Variants in TMOD4 observed in about 807,000 individuals in gnomAD.
TMOD4 encodes the protein tropomodulin 4.
Under a neutral mutation model 45.4 loss-of-function variants are expected in TMOD4, and 34 were observed. The observed-to-expected ratio is 0.75, with a 90% CI of 0.57 to 1.00. TMOD4 has a LOEUF of 1.00. Among genes scored for constraint, TMOD4 ranks in the 50% least tolerant of loss-of-function variants. TMOD4 has a pLI of 0.00. For missense variants in TMOD4, 399 were observed against 437.5 expected (o/e 0.91, Z 0.78); for synonymous variants, 131 against 153.9 (o/e 0.85, Z 1.10).
chr1:151,171,170 C>G, intron 7 of TMOD4, 107 bp from the exon 8 acceptor site: 1 of 1,300,494 alleles, frequency 7.7e-7, no homozygotes, highest in Non-Finnish European at 1.1e-6. Context: ...AAGAGTCTTT[C>G]AGGTGCTGTA....
Position 151,171,617 on chromosome 1 carries a change from G to A in TMOD4, c.618+16C>T. 6.2e-7 allele frequency: 1 copy of A among 1,614,082 alleles called. No individual in the cohort carries two copies. The highest frequency in any genetic ancestry group is 2.2e-5 in the East Asian group (1 of 44,884). On this transcript the variant is annotated intron_variant, in intron 6 of 9. Transcript: ENST00000295314. ...GGTTATCCGGTGTTATGGTTTGGAG[G>A]ATGCAAGTCAAATACCTGTATATTA...
chr1:151,174,643 C>A, intron 2 of TMOD4, 96 bp from the exon 3 acceptor site: 1 of 1,593,392 alleles, frequency 6.3e-7, no homozygotes, highest in South Asian at 1.1e-5. Context: ...TTCCCCTGGC[C>A]TTCTTAGGAC....
chr1:151,174,486 G>T lies in TMOD4; in HGVS notation c.185C>A (p.Pro62Gln). Residue 62 changes from proline (P) to glutamine (Q), a missense_variant, in exon 3 of 10, where the codon CCA (proline) becomes CAA (glutamine). Transcript: ENST00000295314. ...RDQTKKSPTG[P>Q]LDREALLQYL... ...CTGCAAAAGGGCCTCTCGGTCCAGT[G>T]GCCCCGTTGGGCTCTTCTTTGTCTG... 1 of 1,614,156 alleles carries T rather than the reference G, an allele frequency of 6.2e-7. No individual in the cohort carries two copies. The highest frequency in any genetic ancestry group is 1.6e-4 in the Middle Eastern group (1 of 6,062).
In TMOD4 at chr1:151,173,607, A is replaced by G. The variant is rs986452448; in HGVS notation, c.289T>C (p.Tyr97His). 3 of 1,613,702 alleles carry G rather than the reference A, an allele frequency of 1.9e-6. No individual in the cohort carries two copies. Among genetic ancestry groups the G allele is most frequent in the Non-Finnish European group, 2.5e-6 (3 of 1,179,746 alleles). ...GGGATTTCCCTCTTGGGCTGAATAT[A>G]GGGTTTCCCTGATGGGGAGATGAAG... is the stretch of plus-strand genomic sequence containing the variant. The part of the protein sequence containing the change: ...PFTGEKKGKP[Y>H]IQPKREIPAE... The change falls in exon 4 of 10, where the codon TAT becomes CAT. Residue 97 changes from tyrosine to histidine, a missense_variant. Transcript: ENST00000295314.
chr1:151,175,106 C>A, intron 1 of TMOD4, 189 bp from the exon 2 acceptor site: 1 of 486,390 alleles, frequency 2.1e-6, no homozygotes, highest in Non-Finnish European at 3.7e-6. Flanking sequence ...TTCTGCTTCC[C>A]CAGCTTCCAG....
At position 151,170,942 on chromosome 1, in the gene TMOD4, G is replaced by C; in HGVS notation, c.848C>G (p.Thr283Ser). 6.2e-7 allele frequency: 1 copy of C among 1,614,216 alleles called. No individual in the cohort carries two copies. The highest frequency in any genetic ancestry group is 8.5e-7 in the Non-Finnish European group (1 of 1,180,046). The change falls in exon 8 of 10, where the codon ACT becomes AGT. Residue 283 changes from threonine (T) to serine (S), a missense_variant. Coordinates refer to ENST00000295314, the MANE Select transcript of TMOD4 (RefSeq NM_013353.3). ...GACCTGATTGTCTACACGGAGCTCA[G>C]TGAGTGTGGCATTTTCCCGAACTGC... The part of the protein sequence containing the change: ...LKAVRENATL[T>S]ELRVDNQRQW...
chr1:151,170,614 T>C lies in TMOD4; in HGVS notation c.920A>G (p.Glu307Gly), dbSNP rs201400257. The change falls in exon 9 of 10, where the codon GAG becomes GGG. Residue 307 changes from glutamate (E) to glycine (G), a missense_variant. Coordinates refer to ENST00000295314, the MANE Select transcript of TMOD4 (RefSeq NM_013353.3). ...AAAGCGGACAATAGAGGGACACTGC[T>C]CTAGCACGGTGGCCATCTCCATCTC... ...AVEMEMATVL[E>G]QCPSIVRFGY... 3 of 1,614,174 alleles carry C rather than the reference T, an allele frequency of 1.9e-6. No individual in the cohort carries two copies. Among genetic ancestry groups the C allele is most frequent in the East Asian group, 2.2e-5 (1 of 44,878 alleles).
At position 151,171,652 on chromosome 1, in the gene TMOD4, ACCT is replaced by A; in HGVS notation, c.596_598del (p.Glu199del). 3 of 1,613,278 alleles carry A rather than the reference ACCT, an allele frequency of 1.9e-6. No individual in the cohort carries two copies. The highest frequency in any genetic ancestry group is 1.1e-5 in the South Asian group (1 of 91,020). On this transcript the variant is annotated inframe_deletion, in exon 6 of 10. Transcript: ENST00000295314. ...AAATACCTGTATATTATTCAAGTTC[ACCT>A]CCTCCAGCTCCTTGTCATTGCTTCG...
At position 151,170,910 on chromosome 1, in the gene TMOD4, G is replaced by C; in HGVS notation, c.870+10C>G. On this transcript the variant is annotated intron_variant, in intron 8 of 9. Transcript: ENST00000295314. Reference sequence around the variant, plus strand: ...ACTGAATGCTAACATCAGGGGAAGGGAATGCTGACCTGATTGTCTACACGG... The same window carrying C: ...ACTGAATGCTAACATCAGGGGAAGGCAATGCTGACCTGATTGTCTACACGG... 6.2e-7 allele frequency: 1 copy of C among 1,613,758 alleles called. No individual in the cohort carries two copies.
chr1:151,174,800 CG>C lies in TMOD4; in HGVS notation c.75del (p.Glu26ArgfsTer3), dbSNP rs777298102. 1 of 1,614,126 alleles carries C rather than the reference CG, an allele frequency of 6.2e-7. No individual in the cohort carries two copies. The highest frequency in any genetic ancestry group is 1.7e-5 in the Admixed American group (1 of 60,006). ...TCGCAGTCCAGCTGCTCTAGCTCCT[CG>C]GGGCTCAAGGTCCTTAGGATCTCAT... ...DEDEILRTLS[P>X]EELEQLDCEL... On this transcript the variant is annotated frameshift_variant, in exon 2 of 10. Transcript: ENST00000295314. LOFTEE classifies it high-confidence loss of function.
rs1684051374 is a variant in TMOD4, at chr1:151,174,690, A to G, written c.123+63T>C. The G allele has an allele frequency of 3.1e-6, 5 of 1,609,744 alleles. No homozygotes were observed. In the Admixed American group the frequency reaches 6.7e-5, roughly 22 times the overall value. ...TAGCAAACCCTATTCTCAGCCACCCAGAGCCCAACACCCTTCCCAAATGCC... is the reference window on the plus strand; with the variant it reads ...TAGCAAACCCTATTCTCAGCCACCCGGAGCCCAACACCCTTCCCAAATGCC... On this transcript the variant is annotated intron_variant, in intron 2 of 9. Transcript: ENST00000295314.
rs754737684 is a variant in TMOD4, at chr1:151,171,452, C to T, written c.707G>A (p.Ser236Asn). The change falls in exon 7 of 10, where the codon AGT (serine) becomes AAT (asparagine). Residue 236 changes from serine to asparagine, a missense_variant. Physicochemically the swap from Ser to Asn is conservative, Grantham distance 46. Transcript: ENST00000295314. ...CCTTACATTGGCAATGGGGTCACCA[C>T]TCCTCGTGGCTACCAGACTGAAGCT... ...VRSFSLVATR[S>N]GDPIANAVAD... 3 of 1,614,174 alleles carry T rather than the reference C, an allele frequency of 1.9e-6. No individual in the cohort carries two copies. Among genetic ancestry groups the T allele is most frequent in the Non-Finnish European group, 2.5e-6 (3 of 1,180,026 alleles).
rs763905855 is a variant in TMOD4, at chr1:151,171,164, GTCTT to G, written c.727-105_727-102del. ...AGGGAAACACAGCTCTTTGAGAAGA[GTCTT>G]TCAGGTGCTGTAAATGGAGCTAGAG... On this transcript the variant is annotated intron_variant, in intron 7 of 9. Coordinates refer to ENST00000295314, the MANE Select transcript of TMOD4 (RefSeq NM_013353.3). 5.1e-5 allele frequency: 67 copies of G among 1,321,706 alleles called. 1 individual carries two copies. Among genetic ancestry groups the G allele is most frequent in the South Asian group, 1.3e-4 (10 of 76,666 alleles). 81.9% of individuals were successfully genotyped at this position (1,321,706 alleles called of 1,614,324 possible).
rs185078942 is a variant in TMOD4, at chr1:151,173,642, G to C, written c.281-27C>G. ...TGATGGGGAGATGAAGGATGGCTCA[G>C]GTAGAGGTAATTTCTCCCAAGATCC... On this transcript the variant is annotated intron_variant, in intron 3 of 9. Transcript: ENST00000295314. The C allele has an allele frequency of 2.0e-5, 31 of 1,569,458 alleles. No individual in the cohort carries two copies. The East Asian group carries it at 6.9e-4, about 35-fold the overall frequency.
intron 1 of TMOD4, 75 bp from the exon 2 acceptor site, chr1:151,174,992 C>A: frequency 8.4e-7 from 1 of 1,195,530 alleles, no homozygotes; most frequent in Non-Finnish European, 1.2e-6. Flanking sequence ...AGAGACCAGC[C>A]AGGGGGGCAG....
intron 3 of TMOD4, 66 bp downstream of exon 3, chr1:151,174,325 G>A (rs901674012): frequency 1.7e-5 from 27 of 1,552,210 alleles, no homozygotes; most frequent in Non-Finnish European, 2.0e-5. Context: ...AAACTGGAGT[G>A]GGGACGAGTG....
chr1:151,170,003 T>G lies in TMOD4; in HGVS notation c.*78A>C. ...CAGGCAAAATGGATAGAAGGGCTTT[T>G]ATTTACAGGAAAGGAGGACAGATGA... is the stretch of plus-strand genomic sequence containing the variant. On this transcript the variant is annotated 3_prime_UTR_variant, in exon 10 of 10. Coordinates refer to ENST00000295314, the MANE Select transcript of TMOD4 (RefSeq NM_013353.3). 1.3e-6 allele frequency: 2 copies of G among 1,567,108 alleles called. No individual in the cohort carries two copies. Among genetic ancestry groups the G allele is most frequent in the Non-Finnish European group, 1.8e-6 (2 of 1,138,400 alleles).
At chr1:151,170,731 C>A in intron 8 of TMOD4, 68 bp from the exon 9 acceptor site, 1 of 1,589,568 alleles carries the variant, frequency 6.3e-7, no homozygotes, top group East Asian at 2.2e-5. Flanking sequence ...ACATCACAGA[C>A]CCCTTTGGGA....
Position 151,171,662 on chromosome 1 carries a change from G to C in TMOD4, c.589C>G (p.Leu197Val), listed in dbSNP as rs1164152617. 1 of 1,614,090 alleles carries C rather than the reference G, an allele frequency of 6.2e-7. No homozygotes were observed. Among genetic ancestry groups the C allele is most frequent in the South Asian group, 1.1e-5 (1 of 91,074 alleles). The stretch of plus-strand genomic sequence containing the variant: ...ATATTATTCAAGTTCACCTCCTCCA[G>C]CTCCTTGTCATTGCTTCGGACCCTC... ...LKRVRSNDKE[L>V]EEVNLNNIQD... The change falls in exon 6 of 10, where the codon CTG becomes GTG. Residue 197 changes from leucine to valine, a missense_variant. By Grantham distance (32) the Leu-to-Val change is conservative. Coordinates refer to ENST00000295314, the MANE Select transcript of TMOD4 (RefSeq NM_013353.3).
Sources: allele counts gnomAD v4.1 joint callset, GRCh38; gene constraint gnomAD v4.1.1; transcripts MANE v1.5; gene names NCBI Gene and HGNC (gene_info 2026-07-23, HGNC 2026-07-21).